Variants in CUX1 observed in about 807,000 individuals in gnomAD.
CUX1 encodes the protein protein CASP.
Under a neutral mutation model 158.8 loss-of-function variants are expected in CUX1, and 31 were observed. The observed-to-expected ratio is 0.20, with a 90% CI of 0.15 to 0.26. CUX1 has a LOEUF of 0.26. CUX1 is among the 10% of genes least tolerant of loss of function. The pLI is 1.00. For synonymous variants in CUX1, 879 were observed against 862.1 expected (o/e 1.02, Z -0.34); for missense variants, 1,589 against 2,014.6 (o/e 0.79, Z 4.04).
chr7:102,052,170 G>A (rs934804078), intron 3 of CUX1, among the ~76,000 whole-genome samples: 9 of 148,918 alleles, frequency 6.0e-5, no homozygotes, highest in South Asian at 4.3e-4. Flanking sequence ...GCAGTAAGCC[G>A]AGATTGCACC....
At chr7:102,278,684 TAAATA>T (rs1405129490) in intron 18 of CUX1, among the ~76,000 whole-genome samples, 1 of 135,644 alleles carries the variant, frequency 7.4e-6, no homozygotes, top group Non-Finnish European at 1.6e-5. Context: ...TAAAATAAAA[TAAATA>T]AAATAAAATA....
intron 1 of CUX1, among the ~76,000 whole-genome samples, chr7:101,877,862 C>T (rs1346451645): frequency 6.6e-6 from 1 of 150,906 alleles, no homozygotes; most frequent in Non-Finnish European, 1.5e-5. Context: ...ATACTTGGTT[C>T]CATTTTGATA....
intron 2 of CUX1, among the ~76,000 whole-genome samples, chr7:102,026,712 C>T (rs766411748): frequency 4.6e-5 from 7 of 150,556 alleles, no homozygotes; most frequent in Non-Finnish European, 1.0e-4. Flanking sequence ...CCCAGCTACT[C>T]AGGAGGTTGA....
chr7:102,265,970 G>A (rs1237131740), intron 14 of CUX1, among the ~76,000 whole-genome samples: 4 of 152,132 alleles, frequency 2.6e-5, no homozygotes, highest in Non-Finnish European at 5.9e-5. Flanking sequence ...TTGGGAGGCC[G>A]AGGTGGGTGG....
chr7:102,170,383 G>C (rs782491359), intron 9 of CUX1, 63 bp from the exon 10 acceptor site: 1 of 1,143,834 alleles, frequency 8.7e-7, no homozygotes, highest in Non-Finnish European at 1.3e-6. Context: ...GAATGTTCTT[G>C]TAATAATTGT....
intron 11 of CUX1, among the ~76,000 whole-genome samples, chr7:102,183,051 T>C (rs950542451): frequency 6.6e-6 from 1 of 152,098 alleles, no homozygotes; most frequent in Non-Finnish European, 1.5e-5. Flanking sequence ...GGAGACACTA[T>C]GGGATGATGC....
chr7:102,003,586 G>A (rs1349748015), intron 2 of CUX1, among the ~76,000 whole-genome samples: 1 of 152,120 alleles, frequency 6.6e-6, no homozygotes, highest in African/African-American at 2.4e-5. Context: ...GGCTCTCCCC[G>A]GGGTCAGGGG....
intron 2 of CUX1, among the ~76,000 whole-genome samples, chr7:102,010,426 G>C (rs7805379): frequency 0.38 from 56,896 of 149,154 alleles, 11,430 homozygotes; most frequent in Middle Eastern, 0.42. Flanking sequence ...AACTGACTTG[G>C]ATATGTGCTT....
intron 23 of CUX1, among the ~76,000 whole-genome samples, chr7:102,247,384 G>A (rs1800919654): frequency 6.6e-6 from 1 of 152,234 alleles, no homozygotes; most frequent in African/African-American, 2.4e-5. Context: ...CGGTTATCAG[G>A]CAGTTTCACT....
chr7:102,227,729 G>A, intron 21 of CUX1, 60 bp downstream of exon 21: 1 of 1,549,264 alleles, frequency 6.5e-7, no homozygotes, highest in Non-Finnish European at 8.8e-7. Context: ...GGAGGAGCAG[G>A]TGAAGGGCGG....
chr7:101,933,375 TAAC>T (rs938756057), intron 2 of CUX1, among the ~76,000 whole-genome samples: 2 of 152,178 alleles, frequency 1.3e-5, no homozygotes, highest in Non-Finnish European at 2.9e-5. Context: ...TTTCCTTTTT[TAAC>T]AACAACAACA....
intron 2 of CUX1, among the ~76,000 whole-genome samples, chr7:102,008,364 C>T (rs918839376): frequency 6.6e-6 from 1 of 151,930 alleles, no homozygotes; most frequent in African/African-American, 2.4e-5. Context: ...GCCCCCCCAC[C>T]TCTACTCGCC....
intron 3 of CUX1, among the ~76,000 whole-genome samples, chr7:102,040,978 T>C (rs903069230): frequency 2.0e-5 from 3 of 152,078 alleles, no homozygotes; most frequent in Non-Finnish European, 4.4e-5. Context: ...TCTCCAGCAA[T>C]GTAAATCTGT....
chr7:102,242,073 G>A (rs1240272722), intron 23 of CUX1, among the ~76,000 whole-genome samples: 6 of 152,204 alleles, frequency 3.9e-5, no homozygotes, highest in Non-Finnish European at 8.8e-5. Context: ...AACAGTGGAG[G>A]TCCCTCTACT....
At chr7:102,171,086 G>A (rs188757786) in intron 10 of CUX1, among the ~76,000 whole-genome samples, 22 of 152,276 alleles carry the variant, frequency 1.4e-4, no homozygotes, top group African/African-American at 4.1e-4. Context: ...TGAAATTAGC[G>A]CAAATGGCTC....
At chr7:102,155,098 C>A (rs1393841987) in intron 8 of CUX1, among the ~76,000 whole-genome samples, 1 of 152,112 alleles carries the variant, frequency 6.6e-6, no homozygotes, top group African/African-American at 2.4e-5. Context: ...CTCTATGTGC[C>A]CATTCCAGCA....
chr7:102,167,267 CAAA>C (rs562023948), intron 9 of CUX1, among the ~76,000 whole-genome samples: 3 of 121,800 alleles, frequency 2.5e-5, no homozygotes. Context: ...GACTCTGTAT[CAAA>C]AAAAAAAAAA....
At chr7:102,026,762 G>C (rs1249162672) in intron 2 of CUX1, among the ~76,000 whole-genome samples, 1 of 142,754 alleles carries the variant, frequency 7.0e-6, no homozygotes, top group Non-Finnish European at 1.5e-5. Flanking sequence ...GTAGGTTGCA[G>C]TAAGCCGAGA....
intron 1 of CUX1, among the ~76,000 whole-genome samples, chr7:101,863,547 C>T (rs772259045): frequency 3.9e-5 from 6 of 152,112 alleles, no homozygotes; most frequent in Non-Finnish European, 7.3e-5. Context: ...GACGAGGTTT[C>T]GCCATGTTGG....
Sources: gnomAD v4.1 joint callset for allele counts (sites outside exome capture counted in the v4.1 genomes callset) on GRCh38, gnomAD v4.1.1 for gene constraint, MANE v1.5 for transcripts, NCBI Gene and HGNC (gene_info 2026-07-23, HGNC 2026-07-21) for gene names.